The following WWP2 variants were observed in gnomAD, a reference collection of about 807,000 sequenced individuals.
The protein encoded by WWP2 is NEDD4-like E3 ubiquitin-protein ligase WWP2.
Under a neutral mutation model 121.0 loss-of-function variants are expected in WWP2, and 57 were observed. The ratio of observed to expected loss-of-function variants is 0.47; its 90% CI spans 0.38 to 0.59. WWP2 has a LOEUF of 0.59. WWP2 is among the 20% of genes least tolerant of loss of function. The pLI, the probability that WWP2 is intolerant of heterozygous loss-of-function variation, is 0.00. For synonymous variants in WWP2, 449 were observed against 441.3 expected (o/e 1.02, Z -0.22); for missense variants, 962 against 1,158.9 (o/e 0.83, Z 2.47).
At chr16:69,901,474 G>A (rs1285119149) in intron 8 of WWP2, among the ~76,000 whole-genome samples, 2 of 152,068 alleles carry the variant, frequency 1.3e-5, no homozygotes, top group South Asian at 2.1e-4. Flanking sequence ...GTGCAGTGGC[G>A]CGATCTCAGC....
intron 4 of WWP2, among the ~76,000 whole-genome samples, chr16:69,834,230 C>T (rs2965760): frequency 0.84 from 127,909 of 152,130 alleles, 54,074 homozygotes; most frequent in Admixed American, 0.9. Context: ...TCTCTTCCCT[C>T]GCTCCACTCC....
At chr16:69,852,708 TG>T (rs1404007120) in intron 6 of WWP2, among the ~76,000 whole-genome samples, 1 of 152,244 alleles carries the variant, frequency 6.6e-6, no homozygotes, top group African/African-American at 2.4e-5. Context: ...AAGCATTTTT[TG>T]TATATTTTGG....
intron 4 of WWP2, among the ~76,000 whole-genome samples, chr16:69,803,638 A>C (rs982057275): frequency 6.6e-6 from 1 of 152,154 alleles, no homozygotes; most frequent in African/African-American, 2.4e-5. Context: ...GGCAGGGCGC[A>C]GTGACTTACA....
At chr16:69,781,703 G>A (rs1416551218) in intron 1 of WWP2, among the ~76,000 whole-genome samples, 2 of 152,082 alleles carry the variant, frequency 1.3e-5, no homozygotes, top group Non-Finnish European at 2.9e-5. Flanking sequence ...TAATAGAAAC[G>A]GGATAATTTA....
chr16:69,779,079 A>C (rs977281162), intron 1 of WWP2, among the ~76,000 whole-genome samples: 1 of 151,878 alleles, frequency 6.6e-6, no homozygotes, highest in Admixed American at 6.6e-5. Context: ...CCTCCCAAGC[A>C]GCTGGGATTA....
chr16:69,771,648 T>G (rs2055417919), intron 1 of WWP2, among the ~76,000 whole-genome samples: 2 of 152,242 alleles, frequency 1.3e-5, no homozygotes, highest in Admixed American at 6.5e-5. Flanking sequence ...TTGCATTTCC[T>G]TACTTTAGGA....
intron 1 of WWP2, among the ~76,000 whole-genome samples, chr16:69,781,753 C>T (rs2055669076): frequency 6.6e-6 from 1 of 151,976 alleles, no homozygotes; most frequent in Admixed American, 6.6e-5. Context: ...GAGATTTATT[C>T]TTTGTATTTG....
chr16:69,862,744 G>A (rs1485116302), intron 6 of WWP2, among the ~76,000 whole-genome samples: 1 of 138,198 alleles, frequency 7.2e-6, no homozygotes, highest in African/African-American at 2.9e-5. Context: ...TGGAAACAGG[G>A]TCTCTTGCTC....
At chr16:69,854,840 C>T (rs117709675) in intron 6 of WWP2, among the ~76,000 whole-genome samples, 8,297 of 151,112 alleles carry the variant, frequency 0.055, 286 homozygotes, top group Middle Eastern at 0.12. Context: ...TGTGGGCCAC[C>T]GCGCCTAGCC....
intron 4 of WWP2, among the ~76,000 whole-genome samples, chr16:69,835,933 G>A (rs2056869233): frequency 1.3e-5 from 2 of 151,854 alleles, no homozygotes; most frequent in Non-Finnish European, 2.9e-5. Flanking sequence ...CTCCCAAGTA[G>A]TTGGGATTAC....
chr16:69,867,688 G>A (rs1271747242), intron 6 of WWP2, among the ~76,000 whole-genome samples: 1 of 152,190 alleles, frequency 6.6e-6, no homozygotes, highest in African/African-American at 2.4e-5. Context: ...CCTTGAGTGA[G>A]GACACACCGC....
chr16:69,778,556 C>T (rs944049205), intron 1 of WWP2, among the ~76,000 whole-genome samples: 6 of 152,028 alleles, frequency 3.9e-5, no homozygotes, highest in African/African-American at 1.2e-4. Flanking sequence ...GGACCTAATA[C>T]GCATTAGGAA....
intron 8 of WWP2, among the ~76,000 whole-genome samples, chr16:69,901,886 G>C (rs2058211820): frequency 1.3e-5 from 2 of 152,170 alleles, no homozygotes; most frequent in South Asian, 4.1e-4. Flanking sequence ...GGGAGATGGA[G>C]GTTACAGTGA....
At chr16:69,891,708 A>G (rs2058031668) in intron 8 of WWP2, among the ~76,000 whole-genome samples, 1 of 152,070 alleles carries the variant, frequency 6.6e-6, no homozygotes, top group Non-Finnish European at 1.5e-5. Context: ...TGCTAAGTCC[A>G]TATCTGCCTC....
chr16:69,783,091 A>T (rs1597657898), intron 1 of WWP2: 1 of 149,048 alleles, frequency 6.7e-6, no homozygotes, highest in South Asian at 2.1e-4. Flanking sequence ...GCTCACTCCA[A>T]CCTCTGCTTC....
At chr16:69,930,401 A>G (rs1441890642) in intron 13 of WWP2, 143 bp downstream of exon 13, 2 of 1,326,654 alleles carry the variant, frequency 1.5e-6, no homozygotes, top group Admixed American at 2.8e-5. Context: ...TGTTGATGTC[A>G]TATTAAAGGG....
chr16:69,905,292 T>TG (rs2058272271), intron 8 of WWP2, among the ~76,000 whole-genome samples: 1 of 152,220 alleles, frequency 6.6e-6, no homozygotes. Context: ...TTGTCCGCTT[T>TG]GGGGGGTGTG....
chr16:69,810,778 G>A (rs1319643815), intron 4 of WWP2, among the ~76,000 whole-genome samples: 3 of 140,250 alleles, frequency 2.1e-5, no homozygotes, highest in East Asian at 4.1e-4. Flanking sequence ...TTTTTGAGAC[G>A]GAGTCTCGCT....
At chr16:69,932,836 A>G (rs1278908566) in intron 16 of WWP2, among the ~76,000 whole-genome samples, 1 of 152,196 alleles carries the variant, frequency 6.6e-6, no homozygotes, top group Non-Finnish European at 1.5e-5. Context: ...GCTGCCTTGG[A>G]CAGCAGGGCA....
Sources: gnomAD v4.1 joint callset for allele counts (sites outside exome capture counted in the v4.1 genomes callset) on GRCh38, gnomAD v4.1.1 for gene constraint, MANE v1.5 for transcripts, NCBI Gene and HGNC (gene_info 2026-07-23, HGNC 2026-07-21) for gene names.